Variants in HOPX observed in about 807,000 individuals in gnomAD.
The protein encoded by HOPX is HOP homeobox.
In HOPX, 5 loss-of-function variants were observed where a neutral mutation model predicts 11.8. The observed-to-expected ratio is 0.43, with a 90% CI of 0.22 to 0.89. The LOEUF (loss-of-function observed/expected upper bound fraction) is 0.89. HOPX is among the 40% of genes least tolerant of loss of function. HOPX has a pLI of 0.28. For synonymous variants in HOPX, 49 were observed against 49.7 expected, an observed-to-expected ratio of 0.99 and a Z score of 0.06; for missense variants, 119 against 120.0, an observed-to-expected ratio of 0.99 and a Z score of 0.04.
intron 3 of HOPX, among the ~76,000 whole-genome samples, chr4:56,654,919 T>C (rs530818958): frequency 5.9e-5 from 9 of 152,146 alleles, no homozygotes; most frequent in Non-Finnish European, 1.2e-4. Context: ...CAGTTCCAAG[T>C]AGTCTATCAT....
intron 3 of HOPX, chr4:56,650,462 C>A: frequency 1.9e-6 from 1 of 524,602 alleles, no homozygotes; most frequent in East Asian, 3.3e-5. Context: ...TATATAAGCC[C>A]AAGATCAGAA....
At chr4:56,669,847 G>C (rs1560372753) in intron 1 of HOPX, among the ~76,000 whole-genome samples, 1 of 152,104 alleles carries the variant, frequency 6.6e-6, no homozygotes, top group African/African-American at 2.4e-5. Flanking sequence ...CACTGTTGCT[G>C]TTAGGGATAA....
chr4:56,653,366 C>A (rs1408494019), intron 3 of HOPX, among the ~76,000 whole-genome samples: 3 of 152,076 alleles, frequency 2.0e-5, no homozygotes, highest in African/African-American at 7.2e-5. Flanking sequence ...CAGACACTTT[C>A]TTTTTCATAG....
At chr4:56,677,218 G>A (rs975986137) in intron 1 of HOPX, among the ~76,000 whole-genome samples, 2 of 151,794 alleles carry the variant, frequency 1.3e-5, no homozygotes, top group African/African-American at 4.9e-5. Flanking sequence ...ACAAAAAATG[G>A]ACTAATTTAG....
chr4:56,678,749 G>A (rs1299228632), intron 1 of HOPX: 2 of 151,966 alleles, frequency 1.3e-5, no homozygotes, highest in African/African-American at 4.8e-5. Context: ...CCCTGCCCCA[G>A]TCACTGATTT....
At chr4:56,664,398 A>C (rs572333341) in intron 1 of HOPX, 1 of 151,578 alleles carries the variant, frequency 6.6e-6, no homozygotes, top group Admixed American at 6.6e-5. Context: ...AGCCTCCCAA[A>C]CTGCTGGGAT....
rs189796597 is a variant in HOPX, at chr4:56,648,276, G to A, written c.*444C>T. The A allele has an allele frequency of 3.9e-5, 6 of 153,792 alleles. No homozygotes were observed. The East Asian group carries it at 1.1e-3, about 29-fold the overall frequency. 9.5% of individuals were successfully genotyped at this position (153,792 alleles called of 1,614,324 possible). A position where few individuals can be genotyped will look rare whatever the true frequency, so the allele number is the denominator to read the frequency against. On this transcript the variant is annotated 3_prime_UTR_variant, in exon 4 of 4. Transcript: ENST00000420433. The stretch of plus-strand genomic sequence containing the variant: ...TCTGTATTTTCACTCAACCATCATT[G>A]TATTAGATGATACATAAGGAAAGTG...
chr4:56,655,403 T>G (rs1004757166), intron 3 of HOPX, among the ~76,000 whole-genome samples: 5 of 152,146 alleles, frequency 3.3e-5, no homozygotes, highest in Non-Finnish European at 7.4e-5. Context: ...TATGGCTAGC[T>G]GGTCTCTGGG....
intron 3 of HOPX, among the ~76,000 whole-genome samples, chr4:56,651,789 C>G (rs1717191655): frequency 1.3e-5 from 2 of 151,666 alleles, no homozygotes. Flanking sequence ...GATAAAAATA[C>G]TTGGAGACCT....
intron 1 of HOPX, among the ~76,000 whole-genome samples, chr4:56,666,160 A>G (rs1425492570): frequency 6.6e-6 from 1 of 152,238 alleles, no homozygotes; most frequent in Non-Finnish European, 1.5e-5. Context: ...CGGCACTACC[A>G]GCCAGGCTGG....
intron 3 of HOPX, chr4:56,650,095 A>AGGGCTCTGCAGCCCT (rs1483560433): frequency 6.5e-6 from 1 of 154,660 alleles, no homozygotes; most frequent in East Asian, 1.9e-4. Flanking sequence ...GTGACCACCC[A>AGGGCTCTGCAGCCCT]GGGCTCTGCA....
intron 2 of HOPX, among the ~76,000 whole-genome samples, chr4:56,657,318 C>T (rs1251113357): frequency 1.3e-5 from 2 of 152,122 alleles, no homozygotes; most frequent in African/African-American, 2.4e-5. Flanking sequence ...GTGGGAATCA[C>T]GTTGGTTTGT....
At chr4:56,671,588 T>C (rs1269769359) in intron 1 of HOPX, among the ~76,000 whole-genome samples, 6 of 152,066 alleles carry the variant, frequency 3.9e-5, no homozygotes, top group Admixed American at 1.3e-4. Context: ...CTCAGTGATA[T>C]GGACCTGATT....
intron 3 of HOPX, among the ~76,000 whole-genome samples, chr4:56,654,871 G>A (rs1421054442): frequency 6.6e-6 from 1 of 152,158 alleles, no homozygotes; most frequent in East Asian, 1.9e-4. Context: ...GGTTAGAAGT[G>A]TGAAGTGCTT....
chr4:56,648,985 T>C (rs992067706), intron 3 of HOPX, 188 bp from the exon 4 acceptor site: 3 of 495,004 alleles, frequency 6.1e-6, no homozygotes, highest in South Asian at 3.5e-5. Flanking sequence ...CTATTTCCTA[T>C]GTTTAGAATA....
At chr4:56,673,670 A>G (rs1718856511) in intron 1 of HOPX, among the ~76,000 whole-genome samples, 1 of 152,122 alleles carries the variant, frequency 6.6e-6, no homozygotes, top group East Asian at 1.9e-4. Context: ...CTCTTGTCCA[A>G]GCTAAATAAC....
chr4:56,680,934 A>C (rs1012264412), intron 1 of HOPX: 4 of 649,264 alleles, frequency 6.2e-6, no homozygotes, highest in Non-Finnish European at 7.7e-6. Flanking sequence ...GGCATCTGAC[A>C]AATGCTGGTT....
intron 2 of HOPX, 125 bp from the exon 3 acceptor site, chr4:56,656,137 G>A (rs909968199): frequency 8.4e-7 from 1 of 1,192,832 alleles, no homozygotes; most frequent in Non-Finnish European, 1.1e-6. Flanking sequence ...GCGGTGCCAC[G>A]GCCGCGCAAG....
chr4:56,654,107 A>G (rs1469651175), intron 3 of HOPX, among the ~76,000 whole-genome samples: 1 of 152,154 alleles, frequency 6.6e-6, no homozygotes, highest in African/African-American at 2.4e-5. Context: ...CAGGGTTCAA[A>G]TCCTGGTCCT....
Sources: gnomAD v4.1 joint callset for allele counts (sites outside exome capture counted in the v4.1 genomes callset) on GRCh38, gnomAD v4.1.1 for gene constraint, MANE v1.5 for transcripts, NCBI Gene and HGNC (gene_info 2026-07-23, HGNC 2026-07-21) for gene names.